The following RAB38 variants were observed in gnomAD, a reference collection of about 807,000 sequenced individuals.
RAB38 encodes the protein RAB38, member RAS oncogene family.
In RAB38, 15 loss-of-function variants were observed where a neutral mutation model predicts 18.4. The ratio of observed to expected loss-of-function variants is 0.82; its 90% CI spans 0.55 to 1.26. The LOEUF is 1.26. RAB38 is among the 50% of genes most tolerant of loss of function. RAB38 has a pLI of 0.00. For synonymous variants in RAB38, 101 were observed against 104.4 expected (o/e 0.97, Z 0.20); for missense variants, 294 against 267.4 (o/e 1.10, Z -0.69).
chr11:87,920,436 G>A, the RAB38 span, among the ~76,000 whole-genome samples: 3 of 151,916 alleles, frequency 2.0e-5, no homozygotes, highest in African/African-American at 2.4e-5. Context: ...TCACATATTT[G>A]TGACTTTTTC....
chr11:88,003,876 T>TA, the RAB38 span, among the ~76,000 whole-genome samples: 4 of 12,032 alleles, frequency 3.3e-4, no homozygotes, highest in South Asian at 3.1e-3. Flanking sequence ...AATTATATAT[T>TA]TATATATATA....
chr11:88,029,027 T>A, the RAB38 span, among the ~76,000 whole-genome samples: 1 of 152,030 alleles, frequency 6.6e-6, no homozygotes, highest in African/African-American at 2.4e-5. Flanking sequence ...TAACAGCGGA[T>A]CTCTCGGCAG....
At chr11:87,954,714 G>T in the RAB38 span, among the ~76,000 whole-genome samples, 9 of 152,160 alleles carry the variant, frequency 5.9e-5, no homozygotes, top group South Asian at 1.9e-3. Flanking sequence ...CCGGGAGCAG[G>T]CTTCAACCAC....
the RAB38 span, chr11:87,815,634 G>A: frequency 4.6e-5 from 7 of 152,108 alleles, no homozygotes; most frequent in African/African-American, 1.4e-4. Flanking sequence ...ATCATGTAAC[G>A]GTGACTTTAT....
the RAB38 span, among the ~76,000 whole-genome samples, chr11:88,073,517 A>G: frequency 1.3e-5 from 2 of 152,220 alleles, no homozygotes; most frequent in Non-Finnish European, 2.9e-5. Context: ...GAGAAAATCA[A>G]CAGGTAAATT....
At chr11:87,862,425 G>C in the RAB38 span, among the ~76,000 whole-genome samples, 3 of 151,788 alleles carry the variant, frequency 2.0e-5, 1 homozygote, top group African/African-American at 7.3e-5. Context: ...ACCAGATATG[G>C]AATGTTCTCA....
the RAB38 span, among the ~76,000 whole-genome samples, chr11:87,907,320 G>A: frequency 5.9e-5 from 9 of 151,654 alleles, no homozygotes; most frequent in African/African-American, 2.2e-4. Flanking sequence ...TTTTTATTTG[G>A]TTATGAGCTA....
chr11:88,069,996 T>C, the RAB38 span, among the ~76,000 whole-genome samples: 1 of 151,988 alleles, frequency 6.6e-6, no homozygotes, highest in Admixed American at 6.5e-5. Context: ...AGGATGTGGG[T>C]GGGGTCAGAT....
the RAB38 span, among the ~76,000 whole-genome samples, chr11:87,940,650 A>AAG: frequency 7.9e-5 from 12 of 151,940 alleles, no homozygotes; most frequent in East Asian, 2.3e-3. Context: ...GAGAGAAAGA[A>AAG]AGAAAGAGAA....
At chr11:87,842,049 G>A in the RAB38 span, among the ~76,000 whole-genome samples, 68 of 152,110 alleles carry the variant, frequency 4.5e-4, no homozygotes, top group Middle Eastern at 0.014. Context: ...GTAAGATTCC[G>A]AGACTGAAAA....
At chr11:88,121,848 T>G (rs112371793) in intron 2 of RAB38, among the ~76,000 whole-genome samples, 1 of 151,654 alleles carries the variant, frequency 6.6e-6, no homozygotes, top group Non-Finnish European at 1.5e-5. Context: ...AGGCGTGAGC[T>G]GCCGCGCCGG....
the RAB38 span, among the ~76,000 whole-genome samples, chr11:88,034,942 C>T: frequency 3.9e-5 from 6 of 152,036 alleles, no homozygotes; most frequent in Non-Finnish European, 7.4e-5. Flanking sequence ...GTGGTTGCAC[C>T]AACTTTATAC....
At chr11:88,157,726 CT>C (rs1943142863) in intron 1 of RAB38, among the ~76,000 whole-genome samples, 1 of 152,182 alleles carries the variant, frequency 6.6e-6, no homozygotes, top group African/African-American at 2.4e-5. Context: ...AAACAACTTG[CT>C]TTTGAATGAC....
At chr11:87,977,825 TCC>T in the RAB38 span, among the ~76,000 whole-genome samples, 22 of 93,662 alleles carry the variant, frequency 2.3e-4, no homozygotes, top group African/African-American at 4.1e-4. Context: ...AAATATATGT[TCC>T]TATATAATCA....
chr11:87,902,356 A>C, the RAB38 span, among the ~76,000 whole-genome samples: 1 of 151,588 alleles, frequency 6.6e-6, no homozygotes, highest in African/African-American at 2.4e-5. Context: ...TGTCGAAAAG[A>C]CTCAACTCTC....
At chr11:88,084,994 G>A in the RAB38 span, among the ~76,000 whole-genome samples, 6 of 151,996 alleles carry the variant, frequency 3.9e-5, no homozygotes, top group African/African-American at 1.4e-4. Context: ...AATAGATGAT[G>A]CCCAAAATGG....
chr11:88,112,304 G>A (rs1016880567), downstream of RAB38, among the ~76,000 whole-genome samples: 1 of 152,176 alleles, frequency 6.6e-6, no homozygotes, highest in African/African-American at 2.4e-5. Flanking sequence ...GAAGCAATGA[G>A]GAGAAATGGG....
At chr11:88,125,125 C>T (rs1275861353) in intron 2 of RAB38, among the ~76,000 whole-genome samples, 1 of 152,186 alleles carries the variant, frequency 6.6e-6, no homozygotes, top group Non-Finnish European at 1.5e-5. Flanking sequence ...CTCTATATTC[C>T]TTCCAGACTG....
the RAB38 span, among the ~76,000 whole-genome samples, chr11:87,941,594 A>G: frequency 0.23 from 34,789 of 151,904 alleles, 4,353 homozygotes; most frequent in South Asian, 0.37. Context: ...GAGCATCCAG[A>G]AAATACTCAG....
Sources: allele counts gnomAD v4.1 joint callset (sites outside exome capture counted in the v4.1 genomes callset), GRCh38; gene constraint gnomAD v4.1.1; transcripts MANE v1.5; gene names NCBI Gene and HGNC (gene_info 2026-07-23, HGNC 2026-07-21).